CDH12: variants seen among roughly 807,000 people sequenced by gnomAD.
CDH12 encodes the protein cadherin 12, also known as cadherin-12.
CDH12 carries 41 observed loss-of-function variants against 74.1 expected under a neutral mutation model. The observed-to-expected ratio is 0.55, with a 90% CI of 0.43 to 0.72. The LOEUF (loss-of-function observed/expected upper bound fraction) is 0.72. Among genes scored for constraint, CDH12 ranks in the 30% least tolerant of loss-of-function variants. The pLI is 0.00. For synonymous variants in CDH12, 399 were observed against 355.0 expected, an observed-to-expected ratio of 1.12 and a Z score of -1.39; for missense variants, 945 against 977.2, an observed-to-expected ratio of 0.97 and a Z score of 0.44.
chr5:22,774,146 G>A (rs954456310), intron 1 of CDH12, among the ~76,000 whole-genome samples: 5 of 151,984 alleles, frequency 3.3e-5, no homozygotes, highest in African/African-American at 7.2e-5. Context: ...CCATGCAGAT[G>A]TATGTTCATT....
intron 8 of CDH12, among the ~76,000 whole-genome samples, chr5:21,839,765 T>A (rs1157826969): frequency 6.6e-6 from 1 of 152,188 alleles, no homozygotes; most frequent in Admixed American, 6.6e-5. Context: ...TGACTGTTTA[T>A]GCAAATGACT....
chr5:22,581,639 A>C (rs1201504115), intron 1 of CDH12, among the ~76,000 whole-genome samples: 1 of 152,156 alleles, frequency 6.6e-6, no homozygotes, highest in Non-Finnish European at 1.5e-5. Flanking sequence ...TGGAACTGTG[A>C]GAAGAGGGCC....
chr5:21,990,501 T>C (rs2910538), intron 5 of CDH12, among the ~76,000 whole-genome samples: 7,010 of 151,940 alleles, frequency 0.046, 459 homozygotes, highest in African/African-American at 0.15. Flanking sequence ...TGGAGAATAC[T>C]GTAGAGAATT....
At chr5:21,883,531 A>G in intron 6 of CDH12, 1 of 1,612,420 alleles carries the variant, frequency 6.2e-7, no homozygotes, top group Non-Finnish European at 8.5e-7. Context: ...AACCAACTTA[A>G]AGATATGGCT....
At position 22,278,253 on chromosome 5, in the gene CDH12, A is replaced by G. The variant is rs1364447823; in HGVS notation, c.-332-65610T>C. Among the ~76,000 whole-genome samples the G allele has an allele frequency of 2.0e-5, 3 of 152,214 alleles. No individual in the cohort carries two copies. The East Asian group carries it at 5.8e-4, about 29-fold the overall frequency. On this transcript the variant is annotated intron_variant, in intron 3 of 14. Coordinates refer to ENST00000382254, the MANE Select transcript of CDH12 (RefSeq NM_004061.5). ...TGAATAAAGCATAGTCATAAGGCCAACGAAAATGCTGGTGTGACATTTAAG... is the reference window on the plus strand; with the variant it reads ...TGAATAAAGCATAGTCATAAGGCCAGCGAAAATGCTGGTGTGACATTTAAG...
chr5:22,697,521 G>A (rs1420357012), intron 1 of CDH12, among the ~76,000 whole-genome samples: 1 of 141,296 alleles, frequency 7.1e-6, no homozygotes, highest in Non-Finnish European at 1.5e-5. Context: ...GCAGTGAGCC[G>A]AGATAGCACC....
At chr5:22,208,711 C>A (rs2150360565) in intron 4 of CDH12, among the ~76,000 whole-genome samples, 1 of 152,236 alleles carries the variant, frequency 6.6e-6, no homozygotes, top group East Asian at 1.9e-4. Flanking sequence ...TTGGCACATT[C>A]ATTTCTCATC....
chr5:22,424,912 G>T (rs1404530391), intron 2 of CDH12, among the ~76,000 whole-genome samples: 1 of 151,540 alleles, frequency 6.6e-6, no homozygotes, highest in Non-Finnish European at 1.5e-5. Context: ...ACATAAAAAT[G>T]AACTGTTTAA....
rs116209577 is a variant in CDH12 at position 22,068,846 on chromosome 5, A to G, written c.231+9600T>C. Among the ~76,000 whole-genome samples the G allele has an allele frequency of 5.7e-3, 872 of 152,344 alleles. 7 individuals carry two copies. Among genetic ancestry groups the G allele is most frequent in the African/African-American group, 0.02 (833 of 41,586 alleles). ...TCATAAATAAAGGGGCCATGTTGGCATGAGACCAACAACACACAGACTTCC... is the reference window on the plus strand; with the variant it reads ...TCATAAATAAAGGGGCCATGTTGGCGTGAGACCAACAACACACAGACTTCC... On this transcript the variant is annotated intron_variant, in intron 5 of 14. Transcript: ENST00000382254.
intron 4 of CDH12, among the ~76,000 whole-genome samples, chr5:22,085,629 AT>A (rs1473216432): frequency 6.6e-6 from 1 of 152,114 alleles, no homozygotes; most frequent in African/African-American, 2.4e-5. Flanking sequence ...TGGCCCTTTA[AT>A]TTGAAATAGT....
At chr5:21,950,774 T>TATTATTATTATC (rs1317214201) in intron 6 of CDH12, among the ~76,000 whole-genome samples, 1 of 145,726 alleles carries the variant, frequency 6.9e-6, no homozygotes, top group Non-Finnish European at 1.5e-5. Context: ...TTATTATTAT[T>TATTATTATTATC]ATTATTATTA....
At chr5:21,876,978 G>A (rs1561264356) in intron 6 of CDH12, among the ~76,000 whole-genome samples, 1 of 152,178 alleles carries the variant, frequency 6.6e-6, no homozygotes, top group African/African-American at 2.4e-5. Context: ...TAGGAGGGTG[G>A]ATCATGTGGA....
chr5:22,287,541 G>A (rs1418004425), intron 3 of CDH12, among the ~76,000 whole-genome samples: 2 of 151,714 alleles, frequency 1.3e-5, no homozygotes, highest in African/African-American at 4.8e-5. Context: ...TGGCTAACAC[G>A]GTGAAACCCC....
At chr5:22,797,743 T>C (rs2126406547) in intron 1 of CDH12, among the ~76,000 whole-genome samples, 1 of 151,846 alleles carries the variant, frequency 6.6e-6, no homozygotes, top group Admixed American at 6.5e-5. Context: ...AAATTGTAAA[T>C]CTCAAGTTTT....
chr5:22,809,062 T>C lies in CDH12; in HGVS notation c.-523+43996A>G, dbSNP rs1748978585. On this transcript the variant is annotated intron_variant, in intron 1 of 14. Coordinates refer to ENST00000382254, the MANE Select transcript of CDH12 (RefSeq NM_004061.5). Reference sequence around the variant, plus strand: ...GAAATGCCTAAACAATAATGTAAGATAAATTATTCAAAGTTCGTTGAAGGC... The same window carrying C: ...GAAATGCCTAAACAATAATGTAAGACAAATTATTCAAAGTTCGTTGAAGGC... Among the ~76,000 whole-genome samples the C allele has an allele frequency of 2.0e-5, 3 of 151,874 alleles. No individual in the cohort carries two copies. The Middle Eastern group carries it at 0.01, about 517-fold the overall frequency.
chr5:22,603,438 T>G (rs1736944397), intron 1 of CDH12, among the ~76,000 whole-genome samples: 1 of 151,820 alleles, frequency 6.6e-6, no homozygotes, highest in Non-Finnish European at 1.5e-5. Context: ...AGGTAGAGAG[T>G]GGTAGCATAC....
intron 1 of CDH12, among the ~76,000 whole-genome samples, chr5:22,642,288 T>A (rs1350737694): frequency 6.6e-6 from 1 of 152,230 alleles, no homozygotes; most frequent in Non-Finnish European, 1.5e-5. Flanking sequence ...TTTGATGTCC[T>A]TAGGCTACTA....
At chr5:22,586,837 AT>A (rs11417237) in intron 1 of CDH12, among the ~76,000 whole-genome samples, 6,846 of 105,374 alleles carry the variant, frequency 0.065, 253 homozygotes, top group East Asian at 0.21. Context: ...TTAGAGGAGG[AT>A]TTTTTTTTTT....
Position 21,854,694 on chromosome 5 carries a change from T to C in CDH12, c.623A>G (p.Tyr208Cys), listed in dbSNP as rs1278322777. Reference protein sequence around the residue: ...VVYSILQGQPYFSIDPKTGVI... With the variant: ...VVYSILQGQPCFSIDPKTGVI... ...ACCTGTCTTGGGATCAATAGAGAAA[T>C]AAGGTTGTCCCTGAAGAATGCTGTA... is the stretch of plus-strand genomic sequence containing the variant. The change falls in exon 7 of 15, where the codon TAT becomes TGT. Residue 208 changes from tyrosine to cysteine, a missense_variant. Tyr to Cys is a radical substitution (Grantham distance 194). Around this residue, in one of 3 missense-constraint regions of CDH12, gnomAD observed 791 missense variants for 792.8 expected, o/e 1.00. Transcript: ENST00000382254. The C allele has an allele frequency of 1.2e-6, 2 of 1,607,320 alleles. No individual in the cohort carries two copies. The highest frequency in any genetic ancestry group is 1.7e-6 in the Non-Finnish European group (2 of 1,175,128).
Sources: gnomAD v4.1 joint callset for allele counts (sites outside exome capture counted in the v4.1 genomes callset) on GRCh38, gnomAD v4.1.1 for gene constraint, gnomAD v4.1.1 regional missense constraint, MANE v1.5 for transcripts, NCBI Gene and HGNC (gene_info 2026-07-23, HGNC 2026-07-21) for gene names.